The following GAREM1 variants were observed in gnomAD, a reference collection of about 807,000 sequenced individuals.
GAREM1 encodes GRB2 associated regulator of MAPK1 subtype 1.
Under a neutral mutation model 71.3 loss-of-function variants are expected in GAREM1, and 26 were observed. The observed-to-expected ratio is 0.36, with a 90% CI of 0.27 to 0.51. The LOEUF is 0.51. Among genes scored for constraint, GAREM1 ranks in the 20% least tolerant of loss-of-function variants. The pLI is 0.95. For missense variants in GAREM1, 1,026 were observed against 1,103.1 expected (o/e 0.93, Z 0.99); for synonymous variants, 440 against 433.2 (o/e 1.02, Z -0.20).
At chr18:32,313,642 C>T (rs112111820) in intron 2 of GAREM1, among the ~76,000 whole-genome samples, 2,118 of 152,122 alleles carry the variant, frequency 0.014, 61 homozygotes, top group African/African-American at 0.049. Flanking sequence ...TAACTGACAA[C>T]GATGGGGTAG....
intron 2 of GAREM1, among the ~76,000 whole-genome samples, chr18:32,367,826 C>T (rs1457137746): frequency 3.3e-5 from 5 of 152,010 alleles, no homozygotes; most frequent in Admixed American, 6.6e-5. Context: ...TGTCTGCCTA[C>T]GGGAGCCAGG....
chr18:32,414,878 T>C (rs138292337), intron 1 of GAREM1, among the ~76,000 whole-genome samples: 8 of 151,844 alleles, frequency 5.3e-5, no homozygotes, highest in African/African-American at 1.7e-4. Flanking sequence ...ATAAATGAAT[T>C]TGAAATATAG....
At chr18:32,347,395 T>TGATA (rs1248428047) in intron 2 of GAREM1, among the ~76,000 whole-genome samples, 1 of 152,084 alleles carries the variant, frequency 6.6e-6, no homozygotes, top group Non-Finnish European at 1.5e-5. Context: ...CTCTAGTCTA[T>TGATA]GGAAAGCACT....
intron 1 of GAREM1, among the ~76,000 whole-genome samples, chr18:32,433,611 GC>G (rs1282986347): frequency 1.6e-4 from 24 of 151,924 alleles, no homozygotes; most frequent in Non-Finnish European, 2.2e-4. Context: ...AATTAGCAAA[GC>G]TGAAGAATAT....
chr18:32,446,913 T>C (rs377703156), intron 1 of GAREM1, among the ~76,000 whole-genome samples: 1 of 152,172 alleles, frequency 6.6e-6, no homozygotes, highest in African/African-American at 2.4e-5. Flanking sequence ...GTGAGTGTCA[T>C]CAGGCACAAC....
In GAREM1 at chr18:32,426,506, C is replaced by T. The variant is rs186722552; in HGVS notation, c.122-33471G>A. ...AATTCTGGCTTCAACTTATGCCTCACTCTATTATATACAGGTCTGTTCTTT... is the reference window on the plus strand; with the variant it reads ...AATTCTGGCTTCAACTTATGCCTCATTCTATTATATACAGGTCTGTTCTTT... On this transcript the variant is annotated intron_variant, in intron 1 of 5. Coordinates refer to ENST00000269209, the MANE Select transcript of GAREM1 (RefSeq NM_001242409.2). Among the ~76,000 whole-genome samples, 221 of 152,300 alleles carry T rather than the reference C, an allele frequency of 1.5e-3. 1 individual carries two copies. Among genetic ancestry groups the T allele is most frequent in the African/African-American group, 5.0e-3 (206 of 41,556 alleles).
intron 2 of GAREM1, among the ~76,000 whole-genome samples, chr18:32,322,020 G>C (rs1418896266): frequency 6.6e-6 from 1 of 152,152 alleles, no homozygotes; most frequent in Non-Finnish European, 1.5e-5. Context: ...CTGGCCTCAA[G>C]GGACAAGAGA....
intron 1 of GAREM1, among the ~76,000 whole-genome samples, chr18:32,409,601 C>T (rs1352551033): frequency 1.3e-5 from 2 of 152,118 alleles, no homozygotes; most frequent in Admixed American, 1.3e-4. Context: ...ATATTATTAC[C>T]TCTTTTCAAA....
intron 2 of GAREM1, among the ~76,000 whole-genome samples, chr18:32,333,836 TCAA>T (rs1202365391): frequency 6.6e-6 from 1 of 152,194 alleles, no homozygotes; most frequent in African/African-American, 2.4e-5. Context: ...ATCATTGGTG[TCAA>T]CAATGGGAGC....
chr18:32,412,274 G>A (rs1390303857), intron 1 of GAREM1: 13 of 1,582,418 alleles, frequency 8.2e-6, no homozygotes, highest in Non-Finnish European at 9.4e-6. Flanking sequence ...AGCCACCTTG[G>A]TTTCGTGGTT....
At chr18:32,424,135 TC>T (rs999953374) in intron 1 of GAREM1, among the ~76,000 whole-genome samples, 1 of 145,336 alleles carries the variant, frequency 6.9e-6, no homozygotes, top group African/African-American at 2.6e-5. Context: ...GACCCCCATC[TC>T]CCCACCAGCC....
intron 1 of GAREM1, among the ~76,000 whole-genome samples, chr18:32,414,440 T>A (rs1373656953): frequency 6.6e-6 from 1 of 152,020 alleles, no homozygotes; most frequent in Non-Finnish European, 1.5e-5. Flanking sequence ...ACCTGAAGTA[T>A]GTGGTTACAT....
intron 3 of GAREM1, chr18:32,290,176 G>A (rs1433223298): frequency 6.6e-6 from 1 of 151,526 alleles, no homozygotes; most frequent in Non-Finnish European, 1.5e-5. Flanking sequence ...ACCTATATTT[G>A]CATTTATTTT....
intron 3 of GAREM1, among the ~76,000 whole-genome samples, chr18:32,288,887 T>G (rs995267552): frequency 6.6e-6 from 1 of 152,190 alleles, no homozygotes; most frequent in African/African-American, 2.4e-5. Flanking sequence ...ACTAACCTAA[T>G]GTATTCCATT....
chr18:32,355,652 G>T (rs1420663866), intron 2 of GAREM1, among the ~76,000 whole-genome samples: 1 of 151,930 alleles, frequency 6.6e-6, no homozygotes, highest in Non-Finnish European at 1.5e-5. Context: ...TAAATACGGG[G>T]GAACTTGGAC....
intron 1 of GAREM1, among the ~76,000 whole-genome samples, chr18:32,441,300 C>T (rs959311584): frequency 2.0e-5 from 3 of 151,826 alleles, no homozygotes; most frequent in African/African-American, 4.9e-5. Flanking sequence ...TGTGGACTAG[C>T]GGCCAAAGTC....
At chr18:32,401,650 G>A (rs1187188553) in intron 1 of GAREM1, among the ~76,000 whole-genome samples, 2 of 152,146 alleles carry the variant, frequency 1.3e-5, no homozygotes, top group Non-Finnish European at 2.9e-5. Flanking sequence ...AATTAATCTG[G>A]CGGAACTCTA....
intron 2 of GAREM1, among the ~76,000 whole-genome samples, chr18:32,325,720 A>C (rs2144547202): frequency 6.6e-6 from 1 of 152,232 alleles, no homozygotes; most frequent in Non-Finnish European, 1.5e-5. Context: ...TCTTTGCACA[A>C]CAGGTAGTGT....
chr18:32,315,560 T>C (rs994044736), intron 2 of GAREM1, among the ~76,000 whole-genome samples: 1 of 149,986 alleles, frequency 6.7e-6, no homozygotes, highest in Non-Finnish European at 1.5e-5. Flanking sequence ...TACTTTTGCA[T>C]TAAGTCTTTC....
Sources: allele counts gnomAD v4.1 joint callset (sites outside exome capture counted in the v4.1 genomes callset), GRCh38; gene constraint gnomAD v4.1.1; transcripts MANE v1.5; gene names NCBI Gene and HGNC (gene_info 2026-07-23, HGNC 2026-07-21).